Variants in KCNJ6 observed in about 807,000 individuals in gnomAD.
The protein encoded by KCNJ6 is G protein-activated inward rectifier potassium channel 2.
In KCNJ6, 9 loss-of-function variants were observed where a neutral mutation model predicts 34.2. The observed-to-expected ratio is 0.26, with a 90% CI of 0.16 to 0.46. The LOEUF (loss-of-function observed/expected upper bound fraction) is 0.46, where lower values mean the gene tolerates loss of function less well. KCNJ6 is among the 20% of genes least tolerant of loss of function. The pLI, the probability that KCNJ6 is intolerant of heterozygous loss-of-function variation, is 1.00. For synonymous variants in KCNJ6, 196 were observed against 207.1 expected, an observed-to-expected ratio of 0.95 and a Z score of 0.46; for missense variants, 236 against 531.3, an observed-to-expected ratio of 0.44 and a Z score of 5.46.
chr21:37,785,330 A>G (rs2055187901), intron 2 of KCNJ6, among the ~76,000 whole-genome samples: 1 of 152,226 alleles, frequency 6.6e-6, no homozygotes, highest in Admixed American at 6.5e-5. Flanking sequence ...CTCATTTAAA[A>G]GAAGATTTTA....
At chr21:37,826,205 T>G (rs979996855) in intron 2 of KCNJ6, among the ~76,000 whole-genome samples, 3 of 138,384 alleles carry the variant, frequency 2.2e-5, no homozygotes, top group Admixed American at 7.0e-5. Context: ...TAATCCAGTA[T>G]AGAAATGTGC....
In KCNJ6 at chr21:37,616,633, T is replaced by C. The variant is rs2054269314; in HGVS notation, c.*8526A>G. 1 of 97,872 alleles carries C rather than the reference T, an allele frequency of 1.0e-5. No homozygotes were observed. The highest frequency in any genetic ancestry group is 3.5e-4 in the South Asian group (1 of 2,884). 6.1% of individuals were successfully genotyped at this position (97,872 alleles called of 1,614,324 possible). A position where few individuals can be genotyped will look rare whatever the true frequency, so the allele number is the denominator to read the frequency against. On this transcript the variant is annotated 3_prime_UTR_variant, in exon 4 of 4. Coordinates refer to ENST00000609713, the MANE Select transcript of KCNJ6 (RefSeq NM_002240.5). ...TATATATATGGTTAGACTCTGAACA[T>C]ATACGCTCGGTTAAAATTGGTGGTG...
At chr21:37,721,961 G>GGAAA (rs1244366602) in intron 2 of KCNJ6, among the ~76,000 whole-genome samples, 2 of 150,544 alleles carry the variant, frequency 1.3e-5, no homozygotes, top group Non-Finnish European at 1.5e-5. Context: ...ATCAGGCAAG[G>GGAAA]GAAAGAAATA....
rs1047112335 is a variant in KCNJ6, at chr21:37,620,749, T to C, written c.*4410A>G. 6.6e-5 allele frequency: 10 copies of C among 152,230 alleles called. No homozygotes were observed. The highest frequency in any genetic ancestry group is 1.5e-4 in the Non-Finnish European group (10 of 68,034). 9.4% of individuals were successfully genotyped at this position (152,230 alleles called of 1,614,324 possible). On this transcript the variant is annotated 3_prime_UTR_variant, in exon 4 of 4. Coordinates refer to ENST00000609713, the MANE Select transcript of KCNJ6 (RefSeq NM_002240.5). ...CATGGTGAATTAGAATGAAATAAGA[T>C]AATTTGTACAAGTGCTCTTAATGCT... is the stretch of plus-strand genomic sequence containing the variant.
chr21:37,852,086 A>G (rs1419017973), intron 1 of KCNJ6, among the ~76,000 whole-genome samples: 1 of 152,216 alleles, frequency 6.6e-6, no homozygotes, highest in Non-Finnish European at 1.5e-5. Context: ...CATTATAGAA[A>G]AAACAGCAAT....
rs77528253 is a variant in KCNJ6 at position 37,762,151 on chromosome 21, A to G, written c.26-47020T>C. On this transcript the variant is annotated intron_variant, in intron 2 of 3. Transcript: ENST00000609713. ...ATGCTGGGGTCTTGACCAGATAAGA[A>G]CACCAAATATCCTCTTCCTTTCTCA... 4.9e-3 allele frequency among the ~76,000 whole-genome samples: 747 copies of G among 152,252 alleles called. 6 individuals carry two copies. Among genetic ancestry groups the G allele is most frequent in the African/African-American group, 0.017 (720 of 41,530 alleles).
chr21:37,753,976 G>A (rs55704086), intron 2 of KCNJ6, among the ~76,000 whole-genome samples: 9,191 of 152,244 alleles, frequency 0.06, 526 homozygotes, highest in African/African-American at 0.15. Flanking sequence ...TTTAGAGCAC[G>A]GGGTGCCTTC....
chr21:37,860,496 T>C (rs899624588), intron 1 of KCNJ6, among the ~76,000 whole-genome samples: 2 of 152,206 alleles, frequency 1.3e-5, no homozygotes, highest in Non-Finnish European at 2.9e-5. Context: ...GAAGTAGAAA[T>C]AAGCTGACTT....
At position 37,695,788 on chromosome 21, in the gene KCNJ6, C is replaced by T. The variant is rs1569447086; in HGVS notation, c.946+18423G>A. Among the ~76,000 whole-genome samples the T allele has an allele frequency of 6.6e-6, 1 of 152,134 alleles. No individual in the cohort carries two copies. Among genetic ancestry groups the T allele is most frequent in the Non-Finnish European group, 1.5e-5 (1 of 68,032 alleles). The stretch of plus-strand genomic sequence containing the variant: ...ATGTCTTGGCTTCTAAAGACCATTC[C>T]CTAGTAAAAGGAACAAGGAATCTTT... On this transcript the variant is annotated intron_variant, in intron 3 of 3. Transcript: ENST00000609713. This position sits in a 1 kb window ranked among gnomAD's most constrained non-coding sequence, Gnocchi z 4.2.
intron 1 of KCNJ6, among the ~76,000 whole-genome samples, chr21:37,899,087 A>G (rs908905045): frequency 1.3e-5 from 2 of 152,220 alleles, no homozygotes; most frequent in Admixed American, 1.3e-4. Context: ...AAGGCTTTCA[A>G]CCCTTTAATA....
chr21:37,635,065 T>C (rs2054351414), intron 3 of KCNJ6, among the ~76,000 whole-genome samples: 1 of 151,968 alleles, frequency 6.6e-6, no homozygotes, highest in South Asian at 2.1e-4. Context: ...CAAATCACTT[T>C]GTGGTTTTTT....
intron 3 of KCNJ6, among the ~76,000 whole-genome samples, chr21:37,686,692 C>G (rs570954481): frequency 6.6e-6 from 1 of 152,074 alleles, no homozygotes; most frequent in Non-Finnish European, 1.5e-5. Context: ...GTCTTGAACT[C>G]CTGACCTCAG....
rs2054658981 is a variant in KCNJ6 at position 37,695,270 on chromosome 21, TAA to T, written c.946+18939_946+18940del. ...ACAGAACTTAACAGTGTCCATCCCA[TAA>T]AAGGAAATCAATGGCTAAGCAAAAG... On this transcript the variant is annotated intron_variant, in intron 3 of 3. Transcript: ENST00000609713. The surrounding 1 kb of genome is among the most constrained non-coding windows in gnomAD (Gnocchi z 4.2). 6.6e-6 allele frequency among the ~76,000 whole-genome samples: 1 copy of T among 152,160 alleles called. No homozygotes were observed. Among genetic ancestry groups the T allele is most frequent in the South Asian group, 2.1e-4 (1 of 4,832 alleles).
chr21:37,883,340 G>C (rs1057311391), intron 1 of KCNJ6, among the ~76,000 whole-genome samples: 2 of 152,184 alleles, frequency 1.3e-5, no homozygotes, highest in South Asian at 2.1e-4. Context: ...GCCATTCTTA[G>C]CTCAAGCCTT....
chr21:37,899,121 G>A (rs1360761779), intron 1 of KCNJ6, among the ~76,000 whole-genome samples: 1 of 152,278 alleles, frequency 6.6e-6, no homozygotes, highest in South Asian at 2.1e-4. Context: ...CAAGTTTTCA[G>A]GGGGCAAAAC....
intron 1 of KCNJ6, among the ~76,000 whole-genome samples, chr21:37,905,766 T>G (rs529404405): frequency 2.8e-4 from 42 of 152,324 alleles, no homozygotes; most frequent in African/African-American, 9.9e-4. Flanking sequence ...GTCAGGGCAT[T>G]TTTTTCTCTA....
At chr21:37,903,733 C>CA (rs2055827778) in intron 1 of KCNJ6, among the ~76,000 whole-genome samples, 1 of 141,414 alleles carries the variant, frequency 7.1e-6, no homozygotes, top group African/African-American at 2.7e-5. Flanking sequence ...AAAAACAAAA[C>CA]AAAACAAAAC....
At chr21:37,752,568 G>C (rs561062658) in intron 2 of KCNJ6, among the ~76,000 whole-genome samples, 1 of 152,264 alleles carries the variant, frequency 6.6e-6, no homozygotes, top group South Asian at 2.1e-4. Flanking sequence ...AAGAGGAATA[G>C]AGAGGGAGGT....
At chr21:37,811,683 T>A (rs537394221) in intron 2 of KCNJ6, among the ~76,000 whole-genome samples, 143 of 148,312 alleles carry the variant, frequency 9.6e-4, no homozygotes, top group African/African-American at 3.4e-3. Flanking sequence ...AATTTGTGAA[T>A]TTTTTTTTTT....
Sources: gnomAD v4.1 joint callset for allele counts (sites outside exome capture counted in the v4.1 genomes callset) on GRCh38, gnomAD v4.1.1 for gene constraint, Gnocchi (gnomAD v3.1) non-coding constraint, MANE v1.5 for transcripts, NCBI Gene and HGNC (gene_info 2026-07-23, HGNC 2026-07-21) for gene names.